RNF128: variants seen among roughly 807,000 people sequenced by gnomAD.
RNF128 encodes ring finger protein 128, also known as E3 ubiquitin-protein ligase RNF128.
In RNF128, 13 loss-of-function variants were observed where a neutral mutation model predicts 26.2. The ratio of observed to expected loss-of-function variants is 0.50; its 90% CI spans 0.32 to 0.79. The LOEUF is 0.79. Ranked by LOEUF, RNF128 falls within the 30% of genes least tolerant of loss-of-function variation. The pLI is 0.03. For missense variants in RNF128, 315 were observed against 349.7 expected, an observed-to-expected ratio of 0.90 and a Z score of 0.79; for synonymous variants, 149 against 142.5, an observed-to-expected ratio of 1.05 and a Z score of -0.32.
At chrX:106,766,371 T>C (rs1410180841) in intron 1 of RNF128, among the ~76,000 whole-genome samples, 3 of 112,095 alleles carry the variant, frequency 2.7e-5, no homozygotes, top group Admixed American at 9.4e-5. Flanking sequence ...TCCTCTCCAG[T>C]ACCTGTTGTT....
At chrX:106,717,873 T>C (rs1253922920) in intron 1 of RNF128, among the ~76,000 whole-genome samples, 2 of 112,178 alleles carry the variant, frequency 1.8e-5, no homozygotes, top group African/African-American at 6.5e-5. Flanking sequence ...CTGCTACCTA[T>C]TACAACTTGC....
chrX:106,766,951 A>G (rs1930260988), intron 1 of RNF128, among the ~76,000 whole-genome samples: 2 of 111,788 alleles, frequency 1.8e-5, no homozygotes, highest in Non-Finnish European at 3.8e-5. Flanking sequence ...CAGTTTTCCC[A>G]GCACCATTTA....
At position 106,794,123 on chromosome X, in the gene RNF128, G is replaced by A. The variant is rs543114219; in HGVS notation, c.1154-1457G>A. Among the ~76,000 whole-genome samples the A allele has an allele frequency of 8.1e-4, 89 of 110,559 alleles. No individual in the cohort carries two copies. The Middle Eastern group carries it at 0.014, about 17-fold the overall frequency. On this transcript the variant is annotated intron_variant, in intron 6 of 6. Coordinates refer to ENST00000255499, the MANE Select transcript of RNF128 (RefSeq NM_194463.2). ...TTATTGATTAAACTTCTAATATAAGGAAGAGCTCTTCCTTCTCCTCCATTT... is the reference window on the plus strand; with the variant it reads ...TTATTGATTAAACTTCTAATATAAGAAAGAGCTCTTCCTTCTCCTCCATTT...
chrX:106,697,189 T>C (rs1329795883), intron 1 of RNF128, among the ~76,000 whole-genome samples: 1 of 112,022 alleles, frequency 8.9e-6, no homozygotes, highest in Non-Finnish European at 1.9e-5. Flanking sequence ...AAGCTGTAAT[T>C]GGTAAAGAAG....
chrX:106,743,490 T>G (rs1195102321), intron 1 of RNF128, among the ~76,000 whole-genome samples: 1 of 112,130 alleles, frequency 8.9e-6, no homozygotes, highest in Non-Finnish European at 1.9e-5. Flanking sequence ...AAACCCCATA[T>G]AAATAAAAGA....
At chrX:106,702,939 G>A (rs1186940913) in intron 1 of RNF128, among the ~76,000 whole-genome samples, 1 of 111,674 alleles carries the variant, frequency 9.0e-6, no homozygotes, top group Non-Finnish European at 1.9e-5. Flanking sequence ...AATGTTAATA[G>A]TCATGTAAAT....
chrX:106,754,816 G>C (rs2147683402), intron 1 of RNF128, among the ~76,000 whole-genome samples: 1 of 110,615 alleles, frequency 9.0e-6, no homozygotes, highest in Non-Finnish European at 1.9e-5. Context: ...TTATAAAAAT[G>C]AGTGCCTACA....
intron 2 of RNF128, among the ~76,000 whole-genome samples, chrX:106,782,295 T>A (rs1569444556): frequency 8.9e-6 from 1 of 112,417 alleles, no homozygotes; most frequent in African/African-American, 3.2e-5. Context: ...CCCTTTCTTC[T>A]TGCTGGCTCT....
At chrX:106,718,016 G>A (rs1174355583) in intron 1 of RNF128, among the ~76,000 whole-genome samples, 2 of 111,737 alleles carry the variant, frequency 1.8e-5, no homozygotes, top group East Asian at 5.6e-4. Context: ...TGCCTAAAAT[G>A]CCATACATGG....
At chrX:106,734,117 A>G (rs1204823727) in intron 1 of RNF128, among the ~76,000 whole-genome samples, 1 of 112,049 alleles carries the variant, frequency 8.9e-6, no homozygotes, top group Non-Finnish European at 1.9e-5. Context: ...ATCTAGAAAT[A>G]GAAGATGGTC....
chrX:106,719,991 A>G (rs999647213), intron 1 of RNF128, among the ~76,000 whole-genome samples: 3 of 111,152 alleles, frequency 2.7e-5, no homozygotes, highest in African/African-American at 9.8e-5. Context: ...TCTTTCTTTA[A>G]TAAGATATAC....
At position 106,727,257 on chromosome X, in the gene RNF128, C is replaced by T. The variant is rs1298668457; in HGVS notation, c.344C>T (p.Ser115Phe). Residue 115 changes from serine (S) to phenylalanine (F), a missense_variant, in exon 1 of 7, where the codon TCT becomes TTT. By Grantham distance (155) the Ser-to-Phe change is radical. Transcript: ENST00000255499. ...PTVWGSTVQV[S>F]WLALIQRGGG... Reference sequence around the variant, plus strand: ...GTTTGGGGAAGCACCGTGCAAGTCTCTTGGTTGGCCCTCATCCAACGCGGC... The same window carrying T: ...GTTTGGGGAAGCACCGTGCAAGTCTTTTGGTTGGCCCTCATCCAACGCGGC... 1 of 1,211,734 alleles carries T rather than the reference C, an allele frequency of 8.3e-7. No homozygotes were observed. The highest frequency in any genetic ancestry group is 1.8e-5 in the South Asian group (1 of 56,940).
intron 1 of RNF128, among the ~76,000 whole-genome samples, chrX:106,708,189 C>CT (rs983091963): frequency 4.5e-5 from 5 of 111,905 alleles, no homozygotes; most frequent in African/African-American, 1.6e-4. Context: ...CTTTTAATCT[C>CT]TGTCTGCTCT....
At chrX:106,754,208 CAA>C (rs1001408370) in intron 1 of RNF128, among the ~76,000 whole-genome samples, 2 of 110,613 alleles carry the variant, frequency 1.8e-5, no homozygotes, top group African/African-American at 6.6e-5. Context: ...AGTCATAAAA[CAA>C]ATAATTTTTT....
At chrX:106,768,833 G>A (rs1481016903) in intron 1 of RNF128, among the ~76,000 whole-genome samples, 1 of 111,754 alleles carries the variant, frequency 8.9e-6, no homozygotes, top group African/African-American at 3.3e-5. Context: ...GATCTTTCCT[G>A]CTTTCTCTTG....
At chrX:106,790,346 T>A (rs1930800495) in intron 5 of RNF128, 64 bp downstream of exon 5, 1 of 775,645 alleles carries the variant, frequency 1.3e-6, no homozygotes, top group Non-Finnish European at 2.0e-6. Flanking sequence ...AATAACAAAA[T>A]AACATCCTTA....
At chrX:106,714,937 G>C (rs1250445186) in intron 1 of RNF128, among the ~76,000 whole-genome samples, 4 of 111,848 alleles carry the variant, frequency 3.6e-5, no homozygotes. Context: ...ACCACAGTTT[G>C]TTTTACCATT....
At chrX:106,786,709 G>A (rs1009250849) in intron 3 of RNF128, among the ~76,000 whole-genome samples, 1 of 111,074 alleles carries the variant, frequency 9.0e-6, no homozygotes, top group Non-Finnish European at 1.9e-5. Flanking sequence ...TCATATGTCT[G>A]TTAAAGGGCT....
At chrX:106,706,996 G>A (rs1171026694) in intron 1 of RNF128, among the ~76,000 whole-genome samples, 1 of 111,614 alleles carries the variant, frequency 9.0e-6, no homozygotes, top group Non-Finnish European at 1.9e-5. Flanking sequence ...TTGGCTAACA[G>A]TTTATCCTGA....
Sources: gnomAD v4.1 joint callset for allele counts (sites outside exome capture counted in the v4.1 genomes callset) on GRCh38, gnomAD v4.1.1 for gene constraint, MANE v1.5 for transcripts, NCBI Gene and HGNC (gene_info 2026-07-23, HGNC 2026-07-21) for gene names.